The following ADAM12 variants were observed in gnomAD, a reference collection of about 807,000 sequenced individuals.
The protein encoded by ADAM12 is ADAM metallopeptidase domain 12, also known as disintegrin and metalloproteinase domain-containing protein 12.
A neutral mutation model predicts 106.4 loss-of-function variants in ADAM12; 70 were observed. The ratio of observed to expected loss-of-function variants is 0.66; its 90% CI spans 0.54 to 0.80. The LOEUF is 0.80. Among genes scored for constraint, ADAM12 ranks in the 30% least tolerant of loss-of-function variants. The probability of loss-of-function intolerance (pLI) is 0.00; values close to 1 mark genes in which losing one functional copy is unlikely to be tolerated. For missense variants in ADAM12, 1,010 were observed against 1,171.9 expected (o/e 0.86, Z 2.02); for synonymous variants, 420 against 433.5 (o/e 0.97, Z 0.39).
Position 126,016,618 on chromosome 10 carries a change from A to AGTCT in ADAM12, c.*657_*660dup, listed in dbSNP as rs1473376756. On this transcript the variant is annotated 3_prime_UTR_variant, in exon 23 of 23. Coordinates refer to ENST00000448723, the MANE Select transcript of ADAM12 (RefSeq NM_001288973.2). ...CAAGTTCTGGCTTGTCTAGTGTTCCAGTCTCTATCCTGGTGTGGCTACACC... is the reference window on the plus strand; with the variant it reads ...CAAGTTCTGGCTTGTCTAGTGTTCCAGTCTGTCTCTATCCTGGTGTGGCTACACC... The AGTCT allele has an allele frequency of 6.6e-6, 1 of 152,282 alleles. No individual in the cohort carries two copies. The highest frequency in any genetic ancestry group is 2.4e-5 in the African/African-American group (1 of 41,432). 9.4% of individuals were successfully genotyped at this position (152,282 alleles called of 1,614,324 possible). A position where few individuals can be genotyped will look rare whatever the true frequency, so the allele number is the denominator to read the frequency against.
chr10:126,235,545 C>A (rs1958397453), intron 3 of ADAM12, among the ~76,000 whole-genome samples: 2 of 152,110 alleles, frequency 1.3e-5, no homozygotes, highest in Admixed American at 6.5e-5. Context: ...CAGGAGCGTG[C>A]CTGCATCTGT....
chr10:126,233,492 C>T (rs548817500), intron 3 of ADAM12, among the ~76,000 whole-genome samples: 3 of 152,088 alleles, frequency 2.0e-5, no homozygotes, highest in East Asian at 1.9e-4. Context: ...AGAGAGGCAC[C>T]GCAGGGCCCA....
intron 22 of ADAM12, among the ~76,000 whole-genome samples, chr10:126,017,552 A>C (rs984855041): frequency 2.0e-5 from 3 of 152,182 alleles, no homozygotes; most frequent in African/African-American, 7.2e-5. Context: ...CCACAGAAAA[A>C]ATGTGAGCTA....
chr10:126,288,227 G>C (rs1011622349), intron 2 of ADAM12, among the ~76,000 whole-genome samples: 1 of 152,140 alleles, frequency 6.6e-6, no homozygotes, highest in Non-Finnish European at 1.5e-5. Flanking sequence ...GGGAAACCCT[G>C]GACTTTGAAA....
At chr10:126,112,487 C>G (rs966280754) in intron 6 of ADAM12, among the ~76,000 whole-genome samples, 1 of 152,100 alleles carries the variant, frequency 6.6e-6, no homozygotes, top group Non-Finnish European at 1.5e-5. Flanking sequence ...GCCCAAAAGT[C>G]TCCGTTCCCA....
chr10:126,051,280 G>A (rs1052028384), intron 14 of ADAM12, among the ~76,000 whole-genome samples: 4 of 152,162 alleles, frequency 2.6e-5, no homozygotes, highest in Non-Finnish European at 4.4e-5. Context: ...ACAATTGTTT[G>A]TGTTTTTGCA....
intron 1 of ADAM12, among the ~76,000 whole-genome samples, chr10:126,363,765 G>A (rs992357416): frequency 6.6e-6 from 1 of 152,168 alleles, no homozygotes; most frequent in Non-Finnish European, 1.5e-5. Flanking sequence ...GCCTAACGGA[G>A]ACCAGACCTG....
At chr10:126,242,547 G>A (rs1348898274) in intron 3 of ADAM12, among the ~76,000 whole-genome samples, 3 of 152,188 alleles carry the variant, frequency 2.0e-5, no homozygotes, top group Non-Finnish European at 4.4e-5. Context: ...GAGATTGTGC[G>A]AAGGCAGCAC....
At chr10:126,134,005 G>A (rs1956358127) in intron 5 of ADAM12, among the ~76,000 whole-genome samples, 1 of 152,070 alleles carries the variant, frequency 6.6e-6, no homozygotes, top group Non-Finnish European at 1.5e-5. Context: ...CCTTCCACTA[G>A]GAAGTGCTCC....
intron 4 of ADAM12, among the ~76,000 whole-genome samples, chr10:126,145,142 C>CTAA (rs1956602094): frequency 6.6e-6 from 1 of 152,148 alleles, no homozygotes; most frequent in Admixed American, 6.5e-5. Flanking sequence ...AATGTATGTT[C>CTAA]CCTGAGGACA....
intron 3 of ADAM12, among the ~76,000 whole-genome samples, chr10:126,242,157 T>C (rs1020386673): frequency 5.9e-5 from 9 of 152,202 alleles, no homozygotes; most frequent in Non-Finnish European, 8.8e-5. Flanking sequence ...CCATATTATA[T>C]GTTCAGGGGT....
chr10:126,165,077 C>T (rs911447089), intron 3 of ADAM12, among the ~76,000 whole-genome samples: 1 of 152,184 alleles, frequency 6.6e-6, no homozygotes, highest in African/African-American at 2.4e-5. Context: ...CAAAGCATCG[C>T]GGCCACCACC....
chr10:126,155,376 G>T, intron 3 of ADAM12, 71 bp from the exon 4 acceptor site: 2 of 1,403,048 alleles, frequency 1.4e-6, no homozygotes, highest in Non-Finnish European at 2.0e-6. Context: ...TGAATGTCTA[G>T]GCTATAGGGT....
At chr10:126,332,799 C>T (rs142933369) in intron 1 of ADAM12, among the ~76,000 whole-genome samples, 6 of 152,336 alleles carry the variant, frequency 3.9e-5, no homozygotes, top group Admixed American at 1.3e-4. Context: ...CCGGTTTCAA[C>T]GGCACTGTTC....
intron 11 of ADAM12, among the ~76,000 whole-genome samples, chr10:126,086,540 G>C (rs1955344396): frequency 6.8e-6 from 1 of 146,530 alleles, no homozygotes. Flanking sequence ...AGCCAGGTGT[G>C]GTGGTGCACG....
intron 3 of ADAM12, among the ~76,000 whole-genome samples, chr10:126,236,970 C>T (rs996954608): frequency 1.4e-4 from 22 of 152,140 alleles, no homozygotes; most frequent in African/African-American, 5.3e-4. Flanking sequence ...TGACCAGAAG[C>T]CTCCTGCTTT....
At chr10:126,068,192 C>CT (rs111869297) in intron 12 of ADAM12, among the ~76,000 whole-genome samples, 3 of 152,110 alleles carry the variant, frequency 2.0e-5, no homozygotes, top group East Asian at 3.9e-4. Flanking sequence ...AGTTTAGGAA[C>CT]TTTTTTTAAA....
At chr10:126,136,094 G>A (rs1956400448) in intron 4 of ADAM12, among the ~76,000 whole-genome samples, 1 of 152,204 alleles carries the variant, frequency 6.6e-6, no homozygotes, top group Non-Finnish European at 1.5e-5. Flanking sequence ...ATGAAAACGG[G>A]AAAGCAGATG....
At chr10:126,270,043 G>A (rs1959168302) in intron 3 of ADAM12, among the ~76,000 whole-genome samples, 1 of 152,212 alleles carries the variant, frequency 6.6e-6, no homozygotes, top group Non-Finnish European at 1.5e-5. Flanking sequence ...ACAAAATTTA[G>A]CTCAATTAAA....
Sources: gnomAD v4.1 joint callset for allele counts (sites outside exome capture counted in the v4.1 genomes callset) on GRCh38, gnomAD v4.1.1 for gene constraint, MANE v1.5 for transcripts, NCBI Gene and HGNC (gene_info 2026-07-23, HGNC 2026-07-21) for gene names.